The following GNAI1 variants were observed in gnomAD, a reference collection of about 807,000 sequenced individuals.
GNAI1 encodes the protein guanine nucleotide-binding protein G(i) subunit alpha-1.
A neutral mutation model predicts 38.9 loss-of-function variants in GNAI1; 11 were observed. The observed-to-expected ratio is 0.28, with a 90% CI of 0.18 to 0.47. The LOEUF is 0.47. Among genes scored for constraint, GNAI1 ranks in the 20% least tolerant of loss-of-function variants. GNAI1 has a pLI of 0.99. For synonymous variants in GNAI1, 166 were observed against 145.1 expected (o/e 1.14, Z -1.04); for missense variants, 317 against 436.9 (o/e 0.73, Z 2.45).
chr7:80,190,733 A>G (rs967794270), intron 3 of GNAI1, among the ~76,000 whole-genome samples: 3 of 152,176 alleles, frequency 2.0e-5, no homozygotes, highest in African/African-American at 7.2e-5. Context: ...AAATTCACAT[A>G]TATGACATTC....
intron 1 of GNAI1, among the ~76,000 whole-genome samples, chr7:80,152,269 A>G (rs912404169): frequency 6.6e-6 from 1 of 152,170 alleles, no homozygotes; most frequent in African/African-American, 2.4e-5. Flanking sequence ...CAGTTATGCA[A>G]TTAAATGGTA....
rs541550335 is a variant in GNAI1, at chr7:80,220,244, C to T, written c.*2751C>T. Among the ~76,000 whole-genome samples, 4 of 151,610 alleles carry T rather than the reference C, an allele frequency of 2.6e-5. No homozygotes were observed. In the South Asian group the frequency reaches 8.3e-4, roughly 32 times the overall value. On this transcript the variant is annotated 3_prime_UTR_variant, in exon 8 of 8. Transcript: ENST00000649796. ...CCTCCAAGTACTGTATTACTTACTA[C>T]ATGTGATATGCTTAGAGCAGTGCCT... is the stretch of plus-strand genomic sequence containing the variant.
At chr7:80,161,193 G>C (rs1787919008) in intron 1 of GNAI1, among the ~76,000 whole-genome samples, 1 of 152,118 alleles carries the variant, frequency 6.6e-6, no homozygotes, top group Non-Finnish European at 1.5e-5. Flanking sequence ...TCATTATATA[G>C]TACTTTGTAG....
intron 1 of GNAI1, among the ~76,000 whole-genome samples, chr7:80,180,322 A>AGTGTGTGTGTGT (rs59104301): frequency 6.7e-6 from 1 of 150,082 alleles, no homozygotes; most frequent in African/African-American, 2.4e-5. Context: ...ATTCTTATAA[A>AGTGTGTGTGTGT]GTGTGTGTGT....
At chr7:80,217,202 A>G (rs1562846544) in intron 7 of GNAI1, 101 bp from the exon 8 acceptor site, 9 of 723,008 alleles carry the variant, frequency 1.2e-5, no homozygotes, top group African/African-American at 1.8e-5. Context: ...ATGAAACTGT[A>G]TGAAACTGAC....
In GNAI1 at chr7:80,221,636, C is replaced by T. The variant is rs200966667; in HGVS notation, c.*4143C>T. On this transcript the variant is annotated 3_prime_UTR_variant, in exon 8 of 8. Coordinates refer to ENST00000649796, the MANE Select transcript of GNAI1 (RefSeq NM_002069.6). ...ATTTTAATGTTAGGTTGGAAATTTT[C>T]TTTTTTTTTTTTTTTTTTTTTTTTT... 7.7e-3 allele frequency among the ~76,000 whole-genome samples: 730 copies of T among 94,290 alleles called. No homozygotes were observed. Among genetic ancestry groups the T allele is most frequent in the Middle Eastern group, 0.011 (1 of 92 alleles). The allele number at this position is 94,290 out of a possible 152,430, so 61.9% of individuals were successfully genotyped here.
intron 1 of GNAI1, among the ~76,000 whole-genome samples, chr7:80,141,433 T>C (rs1383414476): frequency 6.6e-6 from 1 of 152,182 alleles, no homozygotes; most frequent in Admixed American, 6.5e-5. Context: ...TCCCAGAATA[T>C]GGTGGGTCAG....
At chr7:80,175,819 C>T (rs758283008) in intron 1 of GNAI1, among the ~76,000 whole-genome samples, 1 of 152,136 alleles carries the variant, frequency 6.6e-6, no homozygotes, top group Admixed American at 6.6e-5. Context: ...ACTGGCTGTT[C>T]TCTCATATCT....
At chr7:80,137,312 CTTT>C in intron 1 of GNAI1, among the ~76,000 whole-genome samples, 1 of 66,960 alleles carries the variant, frequency 1.5e-5, no homozygotes, top group Non-Finnish European at 2.9e-5. Flanking sequence ...TTTTTCTTTT[CTTT>C]TCTTTTTTTT....
At chr7:80,174,119 G>C (rs1788142753) in intron 1 of GNAI1, among the ~76,000 whole-genome samples, 1 of 152,102 alleles carries the variant, frequency 6.6e-6, no homozygotes, top group Admixed American at 6.6e-5. Context: ...AAGATGGGTA[G>C]ATGCAAAGGA....
In GNAI1 at chr7:80,220,282, G is replaced by A. The variant is rs553607711; in HGVS notation, c.*2789G>A. ...TAGAGCAGTGCCTACAATGTGGGAA[G>A]TGTTCATTTGTGTCTGTCAATGTTA... On this transcript the variant is annotated 3_prime_UTR_variant, in exon 8 of 8. Coordinates refer to ENST00000649796, the MANE Select transcript of GNAI1 (RefSeq NM_002069.6). 9.9e-5 allele frequency among the ~76,000 whole-genome samples: 15 copies of A among 152,196 alleles called. No individual in the cohort carries two copies. The highest frequency in any genetic ancestry group is 1.5e-4 in the Non-Finnish European group (10 of 68,050).
intron 3 of GNAI1, among the ~76,000 whole-genome samples, chr7:80,190,269 A>G (rs942826908): frequency 6.6e-6 from 1 of 152,072 alleles, no homozygotes; most frequent in Non-Finnish European, 1.5e-5. Context: ...TGTTACTTTA[A>G]GAATTCTCTT....
intron 3 of GNAI1, among the ~76,000 whole-genome samples, chr7:80,195,240 TCTTGA>T (rs571143219): frequency 1.3e-3 from 191 of 152,044 alleles, no homozygotes; most frequent in African/African-American, 4.1e-3. Flanking sequence ...TAATTTCCCT[TCTTGA>T]CTTAGTGAAA....
intron 1 of GNAI1, 92 bp from the exon 2 acceptor site, chr7:80,188,858 GT>G: frequency 1.5e-5 from 11 of 715,828 alleles, no homozygotes; most frequent in Non-Finnish European, 2.4e-5. Flanking sequence ...GAGACTGGGT[GT>G]GTGTGTGTGT....
At chr7:80,140,735 T>G (rs1013942) in intron 1 of GNAI1, among the ~76,000 whole-genome samples, 1 of 151,860 alleles carries the variant, frequency 6.6e-6, no homozygotes, top group Non-Finnish European at 1.5e-5. Context: ...GGGCAAAAAA[T>G]TTTTTTTAAT....
intron 1 of GNAI1, among the ~76,000 whole-genome samples, chr7:80,143,220 C>T (rs1167785496): frequency 1.3e-5 from 2 of 152,114 alleles, no homozygotes; most frequent in African/African-American, 2.4e-5. Flanking sequence ...TTACAGTCTA[C>T]TTGGGGAAAT....
intron 3 of GNAI1, among the ~76,000 whole-genome samples, chr7:80,189,923 C>T (rs1018258645): frequency 2.0e-5 from 3 of 151,822 alleles, no homozygotes; most frequent in South Asian, 2.1e-4. Context: ...CAATCCAATC[C>T]GTAAGGCACC....
At chr7:80,140,775 ACAC>A (rs1787512102) in intron 1 of GNAI1, among the ~76,000 whole-genome samples, 3 of 152,344 alleles carry the variant, frequency 2.0e-5, no homozygotes, top group African/African-American at 7.2e-5. Flanking sequence ...CGTAGTGACA[ACAC>A]AAAATTTATT....
intron 3 of GNAI1, among the ~76,000 whole-genome samples, chr7:80,197,180 A>ATTTTTTTTTTTTTTTTTTTTTTTTTTTTG (rs35283597): frequency 7.3e-6 from 1 of 137,438 alleles, no homozygotes; most frequent in African/African-American, 2.7e-5. Context: ...GTTTCTGTGG[A>ATTTTTTTTTTTTTTTTTTTTTTTTTTTTG]TTTTTTTTTT....
Sources: gnomAD v4.1 joint callset for allele counts (sites outside exome capture counted in the v4.1 genomes callset) on GRCh38, gnomAD v4.1.1 for gene constraint, MANE v1.5 for transcripts, NCBI Gene and HGNC (gene_info 2026-07-23, HGNC 2026-07-21) for gene names.